GOLPH3: variants seen among roughly 807,000 people sequenced by gnomAD.
GOLPH3 encodes the protein golgi phosphoprotein 3, also known as coat protein GPP34.
A neutral mutation model predicts 28.5 loss-of-function variants in GOLPH3; 14 were observed. The ratio of observed to expected loss-of-function variants is 0.49; its 90% CI spans 0.32 to 0.77. The LOEUF (loss-of-function observed/expected upper bound fraction) is 0.77. Ranked by LOEUF, GOLPH3 falls within the 30% of genes least tolerant of loss-of-function variation. The pLI, the probability that GOLPH3 is intolerant of heterozygous loss-of-function variation, is 0.03. For missense variants in GOLPH3, 350 were observed against 393.7 expected (o/e 0.89, Z 0.94); for synonymous variants, 158 against 159.2 (o/e 0.99, Z 0.06).
intron 1 of GOLPH3, among the ~76,000 whole-genome samples, chr5:32,168,012 C>T (rs1746753328): frequency 6.6e-6 from 1 of 152,058 alleles, no homozygotes; most frequent in Non-Finnish European, 1.5e-5. Context: ...TTCTGAGATC[C>T]TGTATATCTC....
At position 32,161,586 on chromosome 5, in the gene GOLPH3, CA is replaced by C. The variant is rs923082366; in HGVS notation, c.225+12223del. On this transcript the variant is annotated intron_variant, in intron 1 of 3. Coordinates refer to ENST00000265070, the MANE Select transcript of GOLPH3 (RefSeq NM_022130.4). The stretch of plus-strand genomic sequence containing the variant: ...TGTGCACCAACTATCAGGCACTTTA[CA>C]TGTGCTATTTTATTTAATTGTGACT... Among the ~76,000 whole-genome samples, 6 of 151,428 alleles carry C rather than the reference CA, an allele frequency of 4.0e-5. 1 individual carries two copies. The highest frequency in any genetic ancestry group is 1.5e-4 in the African/African-American group (6 of 40,732).
At chr5:32,169,044 C>A (rs1040281272) in intron 1 of GOLPH3, among the ~76,000 whole-genome samples, 1 of 151,860 alleles carries the variant, frequency 6.6e-6, no homozygotes, top group East Asian at 1.9e-4. Context: ...GAGACTGAAG[C>A]GGGAGGATCA....
In GOLPH3 at chr5:32,135,686, C is replaced by T; in HGVS notation, c.358G>A (p.Val120Ile). Residue 120 changes from valine (V) to isoleucine (I), a missense_variant and splice_region_variant, in exon 3 of 4, where the codon GTA becomes ATA. Val to Ile is a conservative substitution (Grantham distance 29). Coordinates refer to ENST00000265070, the MANE Select transcript of GOLPH3 (RefSeq NM_022130.4). ...MRRKSLLTRKVICKSDAPTGD... is the reference protein window; with the variant it reads ...MRRKSLLTRKIICKSDAPTGD... ...GTTGGAGCATCTGACTTACAGATTA[C>T]CTAAAAAGAAAGCAAAAAGAATGAA... 6.3e-7 allele frequency: 1 copy of T among 1,592,396 alleles called. No individual in the cohort carries two copies. The highest frequency in any genetic ancestry group is 8.6e-7 in the Non-Finnish European group (1 of 1,161,200).
intron 1 of GOLPH3, among the ~76,000 whole-genome samples, chr5:32,155,636 A>T (rs1746402847): frequency 6.6e-6 from 1 of 152,114 alleles, no homozygotes; most frequent in Non-Finnish European, 1.5e-5. Flanking sequence ...GCTATAGACT[A>T]CATGTTTGTG....
chr5:32,141,577 C>G (rs1746059903), intron 2 of GOLPH3, among the ~76,000 whole-genome samples: 1 of 31,972 alleles, frequency 3.1e-5, no homozygotes, highest in Non-Finnish European at 1.0e-4. Context: ...CTGCAAATGA[C>G]TCTCCCTCTC....
intron 1 of GOLPH3, among the ~76,000 whole-genome samples, chr5:32,169,416 G>T (rs1408313293): frequency 1.3e-5 from 2 of 152,186 alleles, no homozygotes; most frequent in African/African-American, 2.4e-5. Context: ...CATTATACAT[G>T]AAAACACTGA....
At chr5:32,164,419 A>C (rs932743955) in intron 1 of GOLPH3, among the ~76,000 whole-genome samples, 2 of 150,192 alleles carry the variant, frequency 1.3e-5, no homozygotes, top group African/African-American at 4.9e-5. Context: ...TTTGAGACGG[A>C]GTCTCACTCT....
At chr5:32,127,502 C>T (rs1235149833) in intron 3 of GOLPH3, among the ~76,000 whole-genome samples, 1 of 152,200 alleles carries the variant, frequency 6.6e-6, no homozygotes, top group African/African-American at 2.4e-5. Context: ...GCCACACTGT[C>T]CATTACAGGA....
chr5:32,166,249 T>C (rs1746706207), intron 1 of GOLPH3, among the ~76,000 whole-genome samples: 1 of 152,232 alleles, frequency 6.6e-6, no homozygotes, highest in South Asian at 2.1e-4. Flanking sequence ...AGAAACATCC[T>C]TGTTGGCAAT....
intron 1 of GOLPH3, among the ~76,000 whole-genome samples, chr5:32,147,419 CAAGACTTCATCTCAAACAAAAAAAAA>C (rs1746202619): frequency 6.6e-6 from 1 of 150,410 alleles, no homozygotes; most frequent in Non-Finnish European, 1.5e-5. Flanking sequence ...GGTGACAGAG[CAAGACTTCATCTCAAACAAAAAAAAA>C]AAGAAAAGAA....
At chr5:32,130,548 C>T (rs2111836534) in intron 3 of GOLPH3, among the ~76,000 whole-genome samples, 1 of 152,220 alleles carries the variant, frequency 6.6e-6, no homozygotes, top group South Asian at 2.1e-4. Flanking sequence ...TTTACCTTCC[C>T]AAGTCAAATA....
chr5:32,172,194 T>C (rs1746851047), intron 1 of GOLPH3, among the ~76,000 whole-genome samples: 1 of 152,116 alleles, frequency 6.6e-6, no homozygotes, highest in Admixed American at 6.6e-5. Flanking sequence ...TATTAAAACC[T>C]GAGAAATGGG....
intron 1 of GOLPH3, among the ~76,000 whole-genome samples, chr5:32,149,778 C>T (rs984644328): frequency 2.6e-5 from 4 of 152,162 alleles, no homozygotes; most frequent in Non-Finnish European, 5.9e-5. Context: ...GGGCAGATCA[C>T]CTGAGGTCAC....
intron 1 of GOLPH3, among the ~76,000 whole-genome samples, chr5:32,172,330 G>A (rs1406728807): frequency 6.6e-6 from 1 of 150,852 alleles, no homozygotes; most frequent in Non-Finnish European, 1.5e-5. Context: ...AAGTTTCAGT[G>A]ACCAAGAAAG....
chr5:32,161,287 C>T (rs1277234490), intron 1 of GOLPH3, among the ~76,000 whole-genome samples: 1 of 150,100 alleles, frequency 6.7e-6, no homozygotes, highest in African/African-American at 2.5e-5. Flanking sequence ...CCTGTAGTCC[C>T]GGCTACTTGG....
chr5:32,137,924 G>A (rs971060316), intron 2 of GOLPH3, among the ~76,000 whole-genome samples: 21 of 118,730 alleles, frequency 1.8e-4, no homozygotes, highest in Non-Finnish European at 2.4e-4. Context: ...TTTTTTTTGA[G>A]ATGGAGTCTC....
chr5:32,150,194 A>G (rs561811707), intron 1 of GOLPH3, among the ~76,000 whole-genome samples: 1 of 152,210 alleles, frequency 6.6e-6, no homozygotes, highest in South Asian at 2.1e-4. Flanking sequence ...AGACCTTTAC[A>G]ACAGCAACAA....
intron 1 of GOLPH3, among the ~76,000 whole-genome samples, chr5:32,164,808 T>A (rs926938628): frequency 6.6e-6 from 1 of 151,980 alleles, no homozygotes; most frequent in Non-Finnish European, 1.5e-5. Flanking sequence ...TCTACTTAAT[T>A]AATACAGTAA....
At chr5:32,162,836 T>C (rs957179344) in intron 1 of GOLPH3, among the ~76,000 whole-genome samples, 3 of 152,150 alleles carry the variant, frequency 2.0e-5, no homozygotes, top group African/African-American at 7.2e-5. Context: ...CCCAGCACTT[T>C]GGGAGGCAGA....
Sources: gnomAD v4.1 joint callset for allele counts (sites outside exome capture counted in the v4.1 genomes callset) on GRCh38, gnomAD v4.1.1 for gene constraint, MANE v1.5 for transcripts, NCBI Gene and HGNC (gene_info 2026-07-23, HGNC 2026-07-21) for gene names.